SCAF11: variants seen among roughly 807,000 people sequenced by gnomAD.
SCAF11 encodes SR-related CTD associated factor 11.
Under a neutral mutation model 140.5 loss-of-function variants are expected in SCAF11, and 47 were observed. That is an observed-to-expected ratio of 0.33 (90% CI 0.26 to 0.43). The LOEUF (loss-of-function observed/expected upper bound fraction) is 0.43, where lower values mean the gene tolerates loss of function less well. Ranked by LOEUF, SCAF11 falls within the 20% of genes least tolerant of loss-of-function variation. The pLI, the probability that SCAF11 is intolerant of heterozygous loss-of-function variation, is 1.00. For synonymous variants in SCAF11, 557 were observed against 579.4 expected (o/e 0.96, Z 0.55); for missense variants, 1,645 against 1,705.1 (o/e 0.96, Z 0.62).
chr12:45,948,654 G>T, intron 4 of SCAF11, 117 bp from the exon 5 acceptor site: 1 of 650,364 alleles, frequency 1.5e-6, no homozygotes, highest in Non-Finnish European at 2.6e-6. Context: ...AAAAAGTGTA[G>T]TCCAAATACA....
At chr12:45,969,850 C>T (rs915229588) in intron 1 of SCAF11, among the ~76,000 whole-genome samples, 15 of 152,204 alleles carry the variant, frequency 9.9e-5, no homozygotes, top group African/African-American at 3.6e-4. Flanking sequence ...AATCCTCCTG[C>T]CTCAGCCTCT....
At chr12:45,989,400 G>A (rs1166647705) in intron 1 of SCAF11, among the ~76,000 whole-genome samples, 2 of 152,196 alleles carry the variant, frequency 1.3e-5, no homozygotes, top group Non-Finnish European at 2.9e-5. Flanking sequence ...GTGGTAGCAT[G>A]TTAGCCAAAA....
At chr12:45,922,224 T>C (rs557715413) in intron 14 of SCAF11, 30 bp from the exon 15 acceptor site, 122 of 1,580,332 alleles carry the variant, frequency 7.7e-5, no homozygotes, top group Non-Finnish European at 1.0e-4. Context: ...GGGTAAACTT[T>C]TTTCATGCTT....
chr12:45,970,190 G>A (rs548886967), intron 1 of SCAF11, among the ~76,000 whole-genome samples: 76 of 151,984 alleles, frequency 5.0e-4, no homozygotes, highest in African/African-American at 1.8e-3. Context: ...CACCGCGCCC[G>A]GCCTCAACTA....
At position 45,983,647 on chromosome 12, in the gene SCAF11, A is replaced by AT. The variant is rs375869562; in HGVS notation, c.-22+6705dup. On this transcript the variant is annotated intron_variant, in intron 1 of 14. Transcript: ENST00000369367. ...TGTTATTAAAAAATTAGGTGAGGAA[A>AT]TTGAGATACTGATTAGATCACCTAT... Among the ~76,000 whole-genome samples, 190 of 152,098 alleles carry AT rather than the reference A, an allele frequency of 1.2e-3. 1 individual carries two copies. Among genetic ancestry groups the AT allele is most frequent in the African/African-American group, 4.5e-3 (185 of 41,494 alleles).
At chr12:45,952,010 C>T (rs138452046) in intron 3 of SCAF11, among the ~76,000 whole-genome samples, 117 of 152,194 alleles carry the variant, frequency 7.7e-4, no homozygotes, top group African/African-American at 2.5e-3. Context: ...ATGAGTTGGG[C>T]TGACAGCAGT....
chr12:45,919,959 A>G lies in SCAF11; in HGVS notation c.*2089T>C, dbSNP rs1469672417. 1 of 152,244 alleles carries G rather than the reference A, an allele frequency of 6.6e-6. No homozygotes were observed. Among genetic ancestry groups the G allele is most frequent in the East Asian group, 1.9e-4 (1 of 5,198 alleles). 9.4% of individuals were successfully genotyped at this position (152,244 alleles called of 1,614,324 possible). ...TTGTGTGATTAATCAGCTTAGGCTT[A>G]ACTCAAAATACTTTCAATGTTCACA... On this transcript the variant is annotated 3_prime_UTR_variant, in exon 15 of 15. Coordinates refer to ENST00000369367, the MANE Select transcript of SCAF11 (RefSeq NM_004719.3).
At position 45,942,483 on chromosome 12, in the gene SCAF11, T is replaced by C. The variant is rs141158904; in HGVS notation, c.463+2766A>G. On this transcript the variant is annotated intron_variant, in intron 6 of 14. Coordinates refer to ENST00000369367, the MANE Select transcript of SCAF11 (RefSeq NM_004719.3). ...AAAATGTACCAGATCACGTTACTCC[T>C]GAAAACACTCCCTAGCTCACATTGG... Among the ~76,000 whole-genome samples, 109 of 152,346 alleles carry C rather than the reference T, an allele frequency of 7.2e-4. No homozygotes were observed. In the Middle Eastern group the frequency reaches 0.017, roughly 24 times the overall value.
intron 3 of SCAF11, among the ~76,000 whole-genome samples, chr12:45,952,452 T>C (rs1945574377): frequency 6.6e-6 from 1 of 152,192 alleles, no homozygotes; most frequent in East Asian, 1.9e-4. Context: ...CTATCCAAAG[T>C]TCCTTTTCTT....
chr12:45,936,658 A>T (rs1945180215), intron 6 of SCAF11, among the ~76,000 whole-genome samples: 1 of 152,000 alleles, frequency 6.6e-6, no homozygotes, highest in Non-Finnish European at 1.5e-5. Context: ...TAACTCTCAA[A>T]GCTGCTGTTC....
intron 3 of SCAF11, 79 bp from the exon 4 acceptor site, chr12:45,951,806 T>C: frequency 3.2e-6 from 3 of 933,352 alleles, no homozygotes; most frequent in South Asian, 1.8e-5. Flanking sequence ...AAATTTTCCA[T>C]AAAATTATTT....
Position 45,990,509 on chromosome 12 carries a change from A to G in SCAF11, c.-178T>C. The G allele has an allele frequency of 8.1e-7, 1 of 1,231,872 alleles. No homozygotes were observed. Among genetic ancestry groups the G allele is most frequent in the Non-Finnish European group, 1.0e-6 (1 of 988,208 alleles). The allele number at this position is 1,231,872 out of a possible 1,614,324, so 76.3% of individuals were successfully genotyped here. A position where few individuals can be genotyped will look rare whatever the true frequency, so the allele number is the denominator to read the frequency against. On this transcript the variant is annotated 5_prime_UTR_variant, in exon 1 of 15. Coordinates refer to ENST00000369367, the MANE Select transcript of SCAF11 (RefSeq NM_004719.3). The stretch of plus-strand genomic sequence containing the variant: ...CACTGACTCCGCTGGCTCGGTCCGG[A>G]GGCGGCGGCGAAGCAGGGAGCGACC...
rs763529609 is a variant in SCAF11 at position 45,922,521 on chromosome 12, T to C, written c.4187A>G (p.Gln1396Arg). ...EVKLAIKPFY[Q>R]NKDITKEEYK... ...TTCTTCCTTGGTGATATCTTTATTT[T>C]GGTAAAATGGCTTGATGGCCAATTT... The change falls in exon 14 of 15, where the codon CAA becomes CGA. Residue 1396 changes from glutamine (Q) to arginine (R), a missense_variant. Around this residue, in one of 2 missense-constraint regions of SCAF11, gnomAD observed 63 missense variants for 95.9 expected, o/e 0.66. Transcript: ENST00000369367. The C allele has an allele frequency of 1.3e-6, 2 of 1,599,502 alleles. No homozygotes were observed. The highest frequency in any genetic ancestry group is 1.1e-5 in the South Asian group (1 of 86,966).
chr12:45,930,461 T>G (rs1368807293), intron 10 of SCAF11, among the ~76,000 whole-genome samples: 1 of 150,628 alleles, frequency 6.6e-6, no homozygotes, highest in Admixed American at 6.6e-5. Flanking sequence ...TTTTTGTTTT[T>G]TTTTTTTTTT....
rs997200321 is a variant in SCAF11 at position 45,972,599 on chromosome 12, A to G, written c.-21-8411T>C. ...ACCCTGTCTCTTAAAAAAAAAAAAA[A>G]AAAAAAAATCCAAAAAACAAAAACA... On this transcript the variant is annotated intron_variant, in intron 1 of 14. Transcript: ENST00000369367. 9.3e-5 allele frequency among the ~76,000 whole-genome samples: 14 copies of G among 150,494 alleles called. No individual in the cohort carries two copies. The South Asian group carries it at 2.7e-3, about 29-fold the overall frequency.
At chr12:45,982,600 G>A (rs1946373791) in intron 1 of SCAF11, among the ~76,000 whole-genome samples, 1 of 152,158 alleles carries the variant, frequency 6.6e-6, no homozygotes, top group African/African-American at 2.4e-5. Flanking sequence ...AGCTACTCAG[G>A]AGACTGAGGC....
intron 1 of SCAF11, among the ~76,000 whole-genome samples, chr12:45,986,811 A>G (rs1946469540): frequency 6.6e-6 from 1 of 151,996 alleles, no homozygotes; most frequent in Admixed American, 6.6e-5. Flanking sequence ...CCGCTTTTGC[A>G]TCTTCCTCAT....
At chr12:45,955,067 CAT>C (rs1168897150) in intron 3 of SCAF11, 1 of 152,000 alleles carries the variant, frequency 6.6e-6, no homozygotes, top group Non-Finnish European at 1.5e-5. Flanking sequence ...AAACTACTGC[CAT>C]ATATCATCAC....
upstream of SCAF11, chr12:45,991,944 C>T (rs1463090738): frequency 1.6e-6 from 2 of 1,288,886 alleles, no homozygotes. Flanking sequence ...TGCCCCCGTT[C>T]TGTTCGCGCG....
Sources: allele counts gnomAD v4.1 joint callset (sites outside exome capture counted in the v4.1 genomes callset), GRCh38; gene constraint gnomAD v4.1.1; regional missense constraint gnomAD v4.1.1; transcripts MANE v1.5; gene names NCBI Gene and HGNC (gene_info 2026-07-23, HGNC 2026-07-21).